The following MDM4 variants were observed in gnomAD, a reference collection of about 807,000 sequenced individuals.
MDM4 encodes the protein protein Mdm4.
MDM4 carries 2 observed loss-of-function variants against 60.2 expected under a neutral mutation model. The ratio of observed to expected loss-of-function variants is 0.03; its 90% CI spans 0.01 to 0.10. The LOEUF is 0.10. Among genes scored for constraint, MDM4 ranks in the 10% least tolerant of loss-of-function variants. The pLI, the probability that MDM4 is intolerant of heterozygous loss-of-function variation, is 1.00. For synonymous variants in MDM4, 202 were observed against 198.1 expected, an observed-to-expected ratio of 1.02 and a Z score of -0.17; for missense variants, 447 against 577.5, an observed-to-expected ratio of 0.77 and a Z score of 2.32.
At position 204,554,068 on chromosome 1, in the gene MDM4, ATTTAT is replaced by A. The variant is rs1663398088; in HGVS notation, c.*4390_*4394del. On this transcript the variant is annotated 3_prime_UTR_variant, in exon 11 of 11. Coordinates refer to ENST00000367182, the MANE Select transcript of MDM4 (RefSeq NM_002393.5). ...GTGTGGTATTATTTGGTTTGTAAGA[ATTTAT>A]TTTTAAGGGTCAAGGTCATTTGTAA... 4.4e-6 allele frequency: 1 copy of A among 228,040 alleles called. No individual in the cohort carries two copies. The highest frequency in any genetic ancestry group is 8.7e-6 in the Non-Finnish European group (1 of 114,946). 14.1% of individuals were successfully genotyped at this position (228,040 alleles called of 1,614,324 possible). A position where few individuals can be genotyped will look rare whatever the true frequency, so the allele number is the denominator to read the frequency against.
At chr1:204,537,785 C>T in intron 6 of MDM4, 1 of 601,390 alleles carries the variant, frequency 1.7e-6, no homozygotes, top group South Asian at 1.8e-5. Flanking sequence ...GAGGATATTG[C>T]TTTATTAGAT....
At position 204,526,441 on chromosome 1, in the gene MDM4, C is replaced by T. The variant is rs775403040; in HGVS notation, c.153+7C>T. 8 of 1,566,550 alleles carry T rather than the reference C, an allele frequency of 5.1e-6. No individual in the cohort carries two copies. Among genetic ancestry groups the T allele is most frequent in the South Asian group, 4.7e-5 (4 of 84,954 alleles). On this transcript the variant is annotated splice_region_variant and intron_variant, in intron 3 of 10. Coordinates refer to ENST00000367182, the MANE Select transcript of MDM4 (RefSeq NM_002393.5). Reference sequence around the variant, plus strand: ...AATGTTCACTGTTAAAGAGGTAAGCCATCAAATAAAATTCTCATTTTTTTT... The same window carrying T: ...AATGTTCACTGTTAAAGAGGTAAGCTATCAAATAAAATTCTCATTTTTTTT...
chr1:204,553,095 A>T lies in MDM4; in HGVS notation c.*3413A>T, dbSNP rs530638219. The T allele has an allele frequency of 1.7e-5, 3 of 173,096 alleles. No individual in the cohort carries two copies. Among genetic ancestry groups the T allele is most frequent in the African/African-American group, 7.1e-5 (3 of 42,030 alleles). 10.7% of individuals were successfully genotyped at this position (173,096 alleles called of 1,614,324 possible). On this transcript the variant is annotated 3_prime_UTR_variant, in exon 11 of 11. Coordinates refer to ENST00000367182, the MANE Select transcript of MDM4 (RefSeq NM_002393.5). Reference sequence around the variant, plus strand: ...ACCATGTTGGTCAGGCTGGTCTCGAACTCCTGACCTCAGGTCATCCACCCA... The same window carrying T: ...ACCATGTTGGTCAGGCTGGTCTCGATCTCCTGACCTCAGGTCATCCACCCA...
chr1:204,537,347 G>A (rs941088542), intron 5 of MDM4, 83 bp from the exon 6 acceptor site: 27 of 1,003,684 alleles, frequency 2.7e-5, no homozygotes, highest in Admixed American at 3.5e-5. Context: ...CCTGGCTCCC[G>A]GGTTGTTTGC....
At chr1:204,542,736 T>A in intron 7 of MDM4, 48 bp from the exon 8 acceptor site, 1 of 1,371,966 alleles carries the variant, frequency 7.3e-7, no homozygotes, top group Non-Finnish European at 1.0e-6. Context: ...TAGTCTTAGT[T>A]ATTACGTATT....
chr1:204,532,870 T>C (rs534710833), intron 5 of MDM4: 3 of 1,588,468 alleles, frequency 1.9e-6, no homozygotes, highest in East Asian at 2.3e-5. Flanking sequence ...CTATTTTTGG[T>C]AAACTGGTAG....
In MDM4 at chr1:204,554,868, A is replaced by G. The variant is rs1263056141; in HGVS notation, c.*5186A>G. Reference sequence around the variant, plus strand: ...CCCATTAGCATTTTCAGATCTTTTGATGTGCACTAATGCCATTATTGGTAA... The same window carrying G: ...CCCATTAGCATTTTCAGATCTTTTGGTGTGCACTAATGCCATTATTGGTAA... On this transcript the variant is annotated 3_prime_UTR_variant, in exon 11 of 11. Coordinates refer to ENST00000367182, the MANE Select transcript of MDM4 (RefSeq NM_002393.5). The G allele has an allele frequency of 2.2e-5, 5 of 224,478 alleles. No homozygotes were observed. The highest frequency in any genetic ancestry group is 1.1e-4 in the African/African-American group (5 of 44,834). The allele number at this position is 224,478 out of a possible 1,614,324, so 13.9% of individuals were successfully genotyped here. A position where few individuals can be genotyped will look rare whatever the true frequency, so the allele number is the denominator to read the frequency against.
intron 3 of MDM4, chr1:204,529,469 TC>T (rs1660621306): frequency 5.9e-6 from 9 of 1,528,462 alleles, no homozygotes; most frequent in Non-Finnish European, 7.1e-6. Context: ...CTCCTGGAGT[TC>T]CAGAGGGGAA....
Position 204,549,736 on chromosome 1 carries a change from A to G in MDM4, c.*54A>G. The stretch of plus-strand genomic sequence containing the variant: ...TTCCGTTCACTTACCACATTATTTG[A>G]AAATCAATCCTTTATTTAATTTTAT... On this transcript the variant is annotated 3_prime_UTR_variant, in exon 11 of 11. Coordinates refer to ENST00000367182, the MANE Select transcript of MDM4 (RefSeq NM_002393.5). 1 of 1,062,380 alleles carries G rather than the reference A, an allele frequency of 9.4e-7. No individual in the cohort carries two copies. The highest frequency in any genetic ancestry group is 1.3e-6 in the Non-Finnish European group (1 of 741,982). 65.8% of individuals were successfully genotyped at this position (1,062,380 alleles called of 1,614,324 possible).
intron 10 of MDM4, among the ~76,000 whole-genome samples, chr1:204,547,153 GAC>G (rs1444991508): frequency 6.6e-6 from 1 of 152,124 alleles, no homozygotes; most frequent in East Asian, 1.9e-4. Context: ...TCTCTCTGGA[GAC>G]ACAAAGTTAT....
intron 7 of MDM4, among the ~76,000 whole-genome samples, chr1:204,542,031 T>C (rs888685457): frequency 1.3e-5 from 2 of 152,220 alleles, no homozygotes; most frequent in African/African-American, 2.4e-5. Flanking sequence ...AACAGACTTA[T>C]GTTAATTAGC....
chr1:204,537,401 G>A (rs1286521188), intron 5 of MDM4, 29 bp from the exon 6 acceptor site: 1 of 1,585,516 alleles, frequency 6.3e-7, no homozygotes, highest in African/African-American at 1.3e-5. Flanking sequence ...ACCAGGGAAG[G>A]TTTTCCTTTT....
intron 1 of MDM4, among the ~76,000 whole-genome samples, chr1:204,520,235 G>A (rs934818555): frequency 7.1e-6 from 1 of 141,360 alleles, no homozygotes; most frequent in Non-Finnish European, 1.5e-5. Flanking sequence ...GGGAGATCTC[G>A]CCACTGCACT....
chr1:204,557,023 G>A lies in MDM4; in HGVS notation c.*7341G>A. On this transcript the variant is annotated 3_prime_UTR_variant, in exon 11 of 11. Transcript: ENST00000367182. ...CCTCAGTTTTTCTCATATATAAAAA[G>A]CAGTATACATACCTACCCTTTTCTA... The A allele has an allele frequency of 4.9e-6, 1 of 205,312 alleles. No individual in the cohort carries two copies. The highest frequency in any genetic ancestry group is 1.0e-5 in the Non-Finnish European group (1 of 100,232). The allele number at this position is 205,312 out of a possible 1,614,324, so 12.7% of individuals were successfully genotyped here.
rs143888526 is a variant in MDM4 at position 204,550,586 on chromosome 1, C to T, written c.*904C>T. 12 of 175,130 alleles carry T rather than the reference C, an allele frequency of 6.9e-5. No individual in the cohort carries two copies. The highest frequency in any genetic ancestry group is 2.1e-3 in the Middle Eastern group (1 of 468). 10.8% of individuals were successfully genotyped at this position (175,130 alleles called of 1,614,324 possible). On this transcript the variant is annotated 3_prime_UTR_variant, in exon 11 of 11. Transcript: ENST00000367182. ...AAAGTTTTTTTTTTTTTTTGAGAGA[C>T]GGTCTCACTTTGTCATCCAAGCTGG... is the stretch of plus-strand genomic sequence containing the variant.
chr1:204,527,643 CAAA>C (rs55900130), intron 3 of MDM4, among the ~76,000 whole-genome samples: 2 of 109,484 alleles, frequency 1.8e-5, no homozygotes, highest in Admixed American at 9.8e-5. Flanking sequence ...AACTCCATCT[CAAA>C]AAAAAAAAAA....
At chr1:204,524,905 A>G (rs1428819909) in intron 1 of MDM4, among the ~76,000 whole-genome samples, 2 of 152,106 alleles carry the variant, frequency 1.3e-5, no homozygotes, top group Admixed American at 6.5e-5. Context: ...CTTTTCTTTG[A>G]TGGTATATGT....
intron 1 of MDM4, among the ~76,000 whole-genome samples, chr1:204,518,123 T>C (rs1402828965): frequency 6.6e-6 from 1 of 152,182 alleles, no homozygotes; most frequent in African/African-American, 2.4e-5. Context: ...GCTACTGCAC[T>C]CTAGCTTAGG....
chr1:204,532,819 T>C, intron 5 of MDM4: 1 of 1,611,442 alleles, frequency 6.2e-7, no homozygotes. Flanking sequence ...GTTGGCAGAT[T>C]GTATCCTTGT....
Sources: gnomAD v4.1 joint callset for allele counts (sites outside exome capture counted in the v4.1 genomes callset) on GRCh38, gnomAD v4.1.1 for gene constraint, MANE v1.5 for transcripts, NCBI Gene and HGNC (gene_info 2026-07-23, HGNC 2026-07-21) for gene names.